The following USP24 variants were observed in gnomAD, a reference collection of about 807,000 sequenced individuals.
USP24 encodes the protein ubiquitin carboxyl-terminal hydrolase 24.
In USP24, 97 loss-of-function variants were observed where a neutral mutation model predicts 361.6. The ratio of observed to expected loss-of-function variants is 0.27; its 90% CI spans 0.23 to 0.32. USP24 has a LOEUF of 0.32. Ranked by LOEUF, USP24 falls within the 10% of genes least tolerant of loss-of-function variation. The pLI, the probability that USP24 is intolerant of heterozygous loss-of-function variation, is 1.00. For synonymous variants in USP24, 1,098 were observed against 1,124.6 expected, an observed-to-expected ratio of 0.98 and a Z score of 0.47; for missense variants, 2,353 against 3,165.6, an observed-to-expected ratio of 0.74 and a Z score of 6.16.
At chr1:55,208,700 G>A (rs1314807078) in intron 1 of USP24, among the ~76,000 whole-genome samples, 1 of 151,620 alleles carries the variant, frequency 6.6e-6, no homozygotes, top group African/African-American at 2.4e-5. Flanking sequence ...CACTCTGGGA[G>A]GCAGAGGCAG....
chr1:55,133,158 C>A (rs2100651629), intron 30 of USP24, among the ~76,000 whole-genome samples: 1 of 152,170 alleles, frequency 6.6e-6, no homozygotes, highest in Non-Finnish European at 1.5e-5. Flanking sequence ...TAAATTTCTA[C>A]CACTAAATTA....
chr1:55,210,603 G>A (rs1644825161), intron 1 of USP24, among the ~76,000 whole-genome samples: 1 of 151,984 alleles, frequency 6.6e-6, no homozygotes, highest in South Asian at 2.1e-4. Flanking sequence ...ACTACCAAAG[G>A]GGAACAAGAG....
chr1:55,073,037 C>T (rs189653442), intron 64 of USP24, 176 bp from the exon 65 acceptor site: 4 of 607,508 alleles, frequency 6.6e-6, no homozygotes, highest in African/African-American at 5.6e-5. Flanking sequence ...ACAATTGCTT[C>T]CCCCAGGGGC....
At chr1:55,140,009 C>A (rs1044093894) in intron 24 of USP24, among the ~76,000 whole-genome samples, 2 of 151,992 alleles carry the variant, frequency 1.3e-5, no homozygotes, top group South Asian at 2.1e-4. Flanking sequence ...AAACCCCCCC[C>A]ACCCCAAGTT....
Position 55,146,078 on chromosome 1 carries a change from T to C in USP24, c.2282A>G (p.His761Arg), listed in dbSNP as rs759020589. The C allele has an allele frequency of 1.9e-6, 3 of 1,613,232 alleles. No individual in the cohort carries two copies. Among genetic ancestry groups the C allele is most frequent in the Non-Finnish European group, 2.5e-6 (3 of 1,179,526 alleles). ...MCFEWFTKGQ[H>R]DLESDVQQQL... ...CTGCTGAACATCACTCTCAAGATCA[T>C]GCTGTCCTTTTGTAAACCATTCAAA... The change falls in exon 20 of 68, where the codon CAT becomes CGT. Residue 761 changes from histidine (H) to arginine (R), a missense_variant. His to Arg is a conservative substitution (Grantham distance 29, BLOSUM62 0). Transcript: ENST00000294383.
chr1:55,079,689 C>CCT, intron 59 of USP24, 30 bp from the exon 60 acceptor site: 3 of 1,511,216 alleles, frequency 2.0e-6, no homozygotes, highest in Non-Finnish European at 2.6e-6. Flanking sequence ...CAAAACAGAA[C>CCT]CTGTCTCACC....
chr1:55,081,222 T>C (rs683880), intron 59 of USP24, 100 bp downstream of exon 59: 902,768 of 1,204,442 alleles, frequency 0.75, 346,276 homozygotes, highest in East Asian at 0.9. Flanking sequence ...TAGCAAGTAG[T>C]CGAATGAGAA....
At chr1:55,211,910 A>G (rs923537415) in intron 1 of USP24, among the ~76,000 whole-genome samples, 3 of 152,224 alleles carry the variant, frequency 2.0e-5, no homozygotes, top group African/African-American at 4.8e-5. Context: ...TAAGGTACTC[A>G]GTTTTTAGAA....
chr1:55,105,639 A>C (rs1170716851), intron 41 of USP24, among the ~76,000 whole-genome samples: 1 of 152,216 alleles, frequency 6.6e-6, no homozygotes, highest in Non-Finnish European at 1.5e-5. Flanking sequence ...AGGAGGGTCA[A>C]CATTACAAAG....
intron 18 of USP24, 37 bp from the exon 19 acceptor site, chr1:55,147,097 G>C (rs1647048411): frequency 6.7e-7 from 1 of 1,492,966 alleles, no homozygotes; most frequent in Non-Finnish European, 8.9e-7. Context: ...TTAACTCCAG[G>C]CATTCATTCC....
At position 55,067,649 on chromosome 1, in the gene USP24, CCT is replaced by C. The variant is rs2100366428; in HGVS notation, c.*1394_*1395del. On this transcript the variant is annotated 3_prime_UTR_variant, in exon 68 of 68. Transcript: ENST00000294383. ...GACAGGCACTTCAGGGCTGGCTGCGCCTCTGTGACTTGGCAAATCTGACAGTG... is the reference window on the plus strand; with the variant it reads ...GACAGGCACTTCAGGGCTGGCTGCGCCTGTGACTTGGCAAATCTGACAGTG... 6.6e-6 allele frequency: 1 copy of C among 152,380 alleles called. No homozygotes were observed. The highest frequency in any genetic ancestry group is 2.1e-4 in the South Asian group (1 of 4,832). The allele number at this position is 152,380 out of a possible 1,614,324, so 9.4% of individuals were successfully genotyped here.
At chr1:55,072,939 T>C in intron 64 of USP24, 78 bp from the exon 65 acceptor site, 1 of 1,340,378 alleles carries the variant, frequency 7.5e-7, no homozygotes, top group South Asian at 1.3e-5. Context: ...ACGTAAATGC[T>C]AGTTTCATTA....
chr1:55,173,240 T>C (rs141371359), intron 3 of USP24, among the ~76,000 whole-genome samples: 1,814 of 152,286 alleles, frequency 0.012, 40 homozygotes, highest in African/African-American at 0.042. Flanking sequence ...TCCTTTTTGG[T>C]ATGTACAAAA....
Position 55,068,914 on chromosome 1 carries a change from A to T in USP24, c.*131T>A. On this transcript the variant is annotated 3_prime_UTR_variant, in exon 68 of 68. Coordinates refer to ENST00000294383, the MANE Select transcript of USP24 (RefSeq NM_015306.3). ...AAATGCTTTCCTTGAGAAATACACG[A>T]TCCGCCCAAGTCACAGCAGCTTTCC... 1.0e-6 allele frequency: 1 copy of T among 958,726 alleles called. No individual in the cohort carries two copies. The highest frequency in any genetic ancestry group is 1.6e-6 in the Non-Finnish European group (1 of 629,660). 59.4% of individuals were successfully genotyped at this position (958,726 alleles called of 1,614,324 possible). A position where few individuals can be genotyped will look rare whatever the true frequency, so the allele number is the denominator to read the frequency against.
intron 1 of USP24, among the ~76,000 whole-genome samples, chr1:55,198,270 C>T (rs1325710416): frequency 6.6e-6 from 1 of 152,136 alleles, no homozygotes; most frequent in Admixed American, 6.5e-5. Context: ...GCGTGTGCCA[C>T]CATCCCCAGC....
At chr1:55,073,045 G>A in intron 64 of USP24, 184 bp from the exon 65 acceptor site, 3 of 598,330 alleles carry the variant, frequency 5.0e-6, no homozygotes, top group Non-Finnish European at 5.8e-6. Context: ...TTCCCCCAGG[G>A]GCTGGGGGAA....
chr1:55,071,280 A>G, intron 67 of USP24: 1 of 989,844 alleles, frequency 1.0e-6, no homozygotes, highest in Non-Finnish European at 1.2e-6. Context: ...CAGTGTTTGC[A>G]CACAGTGGGT....
chr1:55,164,485 C>T (rs1404699063), intron 7 of USP24, among the ~76,000 whole-genome samples: 3 of 152,000 alleles, frequency 2.0e-5, no homozygotes, highest in Non-Finnish European at 4.4e-5. Context: ...TCCTGGGACA[C>T]AGCCACCTTA....
chr1:55,124,489 C>G lies in USP24; in HGVS notation c.4100G>C (p.Arg1367Pro), dbSNP rs758391921. ...ESNSLCPAGIRNRLSSSGSNC... is the reference protein window; with the variant it reads ...ESNSLCPAGIPNRLSSSGSNC... ...AGTACCTGAACTGCTGAGTCTGTTT[C>G]GAATTCCAGCAGGACACAGGGAATT... The change falls in exon 35 of 68, where the codon CGA becomes CCA. Residue 1367 changes from arginine (R) to proline (P), a missense_variant. Physicochemically the swap from Arg to Pro is moderately radical, Grantham distance 103 (BLOSUM62 -2). Transcript: ENST00000294383. The G allele has an allele frequency of 1.2e-6, 2 of 1,612,332 alleles. No homozygotes were observed. The highest frequency in any genetic ancestry group is 1.7e-6 in the Non-Finnish European group (2 of 1,179,192).
Sources: gnomAD v4.1 joint callset for allele counts (sites outside exome capture counted in the v4.1 genomes callset) on GRCh38, gnomAD v4.1.1 for gene constraint, MANE v1.5 for transcripts, NCBI Gene and HGNC (gene_info 2026-07-23, HGNC 2026-07-21) for gene names.